The following KANSL1 variants were observed in gnomAD, a reference collection of about 807,000 sequenced individuals.
The protein encoded by KANSL1 is KAT8 regulatory NSL complex subunit 1.
Under a neutral mutation model 103.6 loss-of-function variants are expected in KANSL1, and 22 were observed. The observed-to-expected ratio is 0.21, with a 90% confidence interval of 0.15 to 0.30. The LOEUF is 0.30. Ranked by LOEUF, KANSL1 falls within the 10% of genes least tolerant of loss-of-function variation. KANSL1 has a pLI of 1.00. For synonymous variants in KANSL1, 600 were observed against 527.6 expected (o/e 1.14, Z -1.88); for missense variants, 1,337 against 1,399.8 (o/e 0.96, Z 0.72).
chr17:46,093,403 A>G (rs1034511925), intron 3 of KANSL1: 1 of 152,416 alleles, frequency 6.6e-6, no homozygotes, highest in Admixed American at 6.5e-5. Context: ...AAGGGAACAA[A>G]CTAGTAAGAA....
At chr17:46,104,365 A>G (rs1319711746) in intron 2 of KANSL1, among the ~76,000 whole-genome samples, 2 of 152,216 alleles carry the variant, frequency 1.3e-5, no homozygotes, top group Non-Finnish European at 1.5e-5. Flanking sequence ...TCTCTCCAGG[A>G]AAGTTTTTCC....
intron 2 of KANSL1, among the ~76,000 whole-genome samples, chr17:46,106,448 A>C (rs940427996): frequency 3.3e-5 from 5 of 152,232 alleles, no homozygotes; most frequent in African/African-American, 1.2e-4. Context: ...GCTGGAGTAC[A>C]GTGGTGCGAT....
At chr17:46,151,621 T>A (rs1252502444) in intron 2 of KANSL1, among the ~76,000 whole-genome samples, 1 of 152,268 alleles carries the variant, frequency 6.6e-6, no homozygotes, top group East Asian at 1.9e-4. Flanking sequence ...GCTGCTGTAC[T>A]CCTTGTAACT....
At chr17:46,048,777 A>C (rs1162388208) in intron 7 of KANSL1, among the ~76,000 whole-genome samples, 1 of 152,192 alleles carries the variant, frequency 6.6e-6, no homozygotes, top group Non-Finnish European at 1.5e-5. Context: ...AAAAATCATA[A>C]TTTCAGATAG....
chr17:46,166,213 C>CAAAA (rs147552413), intron 2 of KANSL1, among the ~76,000 whole-genome samples: 2 of 95,102 alleles, frequency 2.1e-5, no homozygotes, highest in East Asian at 2.7e-4. Flanking sequence ...GACTCTGTCT[C>CAAAA]AAAAAAAAAA....
chr17:46,213,546 G>A (rs1190956799), intron 1 of KANSL1, among the ~76,000 whole-genome samples: 1 of 148,610 alleles, frequency 6.7e-6, no homozygotes, highest in African/African-American at 2.5e-5. Context: ...CTGACCTCAT[G>A]ATGGGCCCGC....
At chr17:46,098,906 G>A (rs2146987377) in intron 2 of KANSL1, among the ~76,000 whole-genome samples, 1 of 152,334 alleles carries the variant, frequency 6.6e-6, no homozygotes, top group East Asian at 1.9e-4. Context: ...CTGTTATTAA[G>A]CATGAGAGGT....
intron 3 of KANSL1, among the ~76,000 whole-genome samples, chr17:46,089,787 TG>T (rs2079311454): frequency 6.6e-6 from 1 of 152,268 alleles, no homozygotes; most frequent in Admixed American, 6.5e-5. Flanking sequence ...TTGACTGCTC[TG>T]ATCTTCCATT....
chr17:46,030,937 G>A lies in KANSL1; in HGVS notation c.*539C>T, dbSNP rs2076990261. 1 of 153,924 alleles carries A rather than the reference G, an allele frequency of 6.5e-6. No individual in the cohort carries two copies. The highest frequency in any genetic ancestry group is 2.1e-4 in the South Asian group (1 of 4,874). 9.5% of individuals were successfully genotyped at this position (153,924 alleles called of 1,614,324 possible). A position where few individuals can be genotyped will look rare whatever the true frequency, so the allele number is the denominator to read the frequency against. ...GTGTTCTGCCAGCTGAGCACTCGGG[G>A]AGAGCAGCTGGCAGTTATGGCAGAG... On this transcript the variant is annotated 3_prime_UTR_variant, in exon 15 of 15. Coordinates refer to ENST00000432791, the MANE Select transcript of KANSL1 (RefSeq NM_015443.4).
intron 4 of KANSL1, among the ~76,000 whole-genome samples, chr17:46,078,346 C>T (rs1409327309): frequency 1.3e-5 from 2 of 152,270 alleles, no homozygotes; most frequent in African/African-American, 4.8e-5. Context: ...CTCTGCTCAG[C>T]TCTTTCAGCC....
intron 1 of KANSL1, among the ~76,000 whole-genome samples, chr17:46,216,890 G>C (rs1052885833): frequency 1.3e-5 from 2 of 152,056 alleles, no homozygotes; most frequent in Non-Finnish European, 2.9e-5. Context: ...AGGATCGCTT[G>C]AGCTCAGGAG....
At chr17:46,145,524 C>T (rs2044652057) in intron 2 of KANSL1, among the ~76,000 whole-genome samples, 1 of 152,252 alleles carries the variant, frequency 6.6e-6, no homozygotes, top group African/African-American at 2.4e-5. Flanking sequence ...TGAAACACAG[C>T]CTTTTCTCAA....
At chr17:46,088,313 C>T (rs1477096676) in intron 3 of KANSL1, 1 of 152,352 alleles carries the variant, frequency 6.6e-6, no homozygotes, top group African/African-American at 2.4e-5. Flanking sequence ...CTATGCATCT[C>T]AAGACAAACC....
chr17:46,139,610 A>G (rs1458392367), intron 2 of KANSL1, among the ~76,000 whole-genome samples: 3 of 152,230 alleles, frequency 2.0e-5, no homozygotes, highest in Non-Finnish European at 4.4e-5. Context: ...GTTTTAACCA[A>G]TTACTAAGCC....
chr17:46,056,058 G>C (rs1051374545), intron 6 of KANSL1, among the ~76,000 whole-genome samples: 4 of 152,128 alleles, frequency 2.6e-5, no homozygotes, highest in African/African-American at 9.7e-5. Flanking sequence ...GAGTGCAATG[G>C]TGCGATCTCG....
intron 2 of KANSL1, among the ~76,000 whole-genome samples, chr17:46,102,872 C>A (rs761095389): frequency 7.2e-5 from 11 of 152,136 alleles, no homozygotes; most frequent in Non-Finnish European, 7.3e-5. Flanking sequence ...ATAAAATATA[C>A]GATAAGAGAT....
rs189074019 is a variant in KANSL1, at chr17:46,176,020, C to T, written c.-89-3788G>A. On this transcript the variant is annotated intron_variant, in intron 1 of 14. Coordinates refer to ENST00000432791, the MANE Select transcript of KANSL1 (RefSeq NM_015443.4). ...AACGAAAATCACTACCAGATAATTC[C>T]CATCAATTCAATCTCCTCCCCTTTT... Among the ~76,000 whole-genome samples, 511 of 152,272 alleles carry T rather than the reference C, an allele frequency of 3.4e-3. 1 individual carries two copies. Among genetic ancestry groups the T allele is most frequent in the Non-Finnish European group, 5.6e-3 (378 of 68,024 alleles).
intron 2 of KANSL1, among the ~76,000 whole-genome samples, chr17:46,160,386 C>CT (rs2045668471): frequency 6.6e-6 from 1 of 152,186 alleles, no homozygotes; most frequent in Non-Finnish European, 1.5e-5. Context: ...CAACCTCTAC[C>CT]TCCCAGGCTC....
chr17:46,183,259 C>T (rs1449664684), intron 1 of KANSL1, among the ~76,000 whole-genome samples: 2 of 151,756 alleles, frequency 1.3e-5, no homozygotes, highest in Non-Finnish European at 2.9e-5. Context: ...CTAAAAAAGC[C>T]ACCCAAACAA....
Sources: gnomAD v4.1 joint callset for allele counts (sites outside exome capture counted in the v4.1 genomes callset) on GRCh38, gnomAD v4.1.1 for gene constraint, MANE v1.5 for transcripts, NCBI Gene and HGNC (gene_info 2026-07-23, HGNC 2026-07-21) for gene names.